FASTKD2: variants seen among roughly 807,000 people sequenced by gnomAD.
FASTKD2 encodes FAST kinase domain-containing protein 2, mitochondrial.
In FASTKD2, 51 loss-of-function variants were observed where a neutral mutation model predicts 63.6. That is an observed-to-expected ratio of 0.80 (90% CI 0.64 to 1.01). The LOEUF (loss-of-function observed/expected upper bound fraction) is 1.01. Among genes scored for constraint, FASTKD2 ranks in the 50% least tolerant of loss-of-function variants. The pLI, the probability that FASTKD2 is intolerant of heterozygous loss-of-function variation, is 0.00. For missense variants in FASTKD2, 786 were observed against 831.1 expected, an observed-to-expected ratio of 0.95 and a Z score of 0.67; for synonymous variants, 284 against 293.4, an observed-to-expected ratio of 0.97 and a Z score of 0.33.
rs1293449482 is a variant in FASTKD2, at chr2:206,792,832, C to A, written c.*1030C>A. Reference sequence around the variant, plus strand: ...TATTATGATTCTCTCTGTGTCTTCACTTCCTCATCTCTAAAATCAGGATAG... The same window carrying A: ...TATTATGATTCTCTCTGTGTCTTCAATTCCTCATCTCTAAAATCAGGATAG... On this transcript the variant is annotated 3_prime_UTR_variant, in exon 12 of 12. Transcript: ENST00000402774. 6.6e-6 allele frequency among the ~76,000 whole-genome samples: 1 copy of A among 152,206 alleles called. No homozygotes were observed. The highest frequency in any genetic ancestry group is 2.4e-5 in the African/African-American group (1 of 41,436).
intron 5 of FASTKD2, 41 bp from the exon 6 acceptor site, chr2:206,772,140 A>G (rs1343644366): frequency 1.3e-6 from 2 of 1,599,936 alleles, no homozygotes; most frequent in African/African-American, 1.3e-5. Context: ...ATTCAAAACA[A>G]TCAGGTAATT....
intron 7 of FASTKD2, among the ~76,000 whole-genome samples, chr2:206,782,741 G>C (rs547146091): frequency 5.9e-5 from 9 of 152,262 alleles, no homozygotes; most frequent in African/African-American, 2.2e-4. Flanking sequence ...CTTGACTTTT[G>C]GCAAATTACT....
At chr2:206,769,410 A>G (rs1689607730) in intron 2 of FASTKD2, among the ~76,000 whole-genome samples, 1 of 152,200 alleles carries the variant, frequency 6.6e-6, no homozygotes, top group South Asian at 2.1e-4. Flanking sequence ...AGGTTTATAG[A>G]CTAGTGATTA....
chr2:206,787,258 C>T lies in FASTKD2; in HGVS notation c.1594+359C>T, dbSNP rs1690161778. ...CTTACTTATCACATTTGAAGCCAAC[C>T]TAAGTCAATTTTTGCAGCTGTAAAC... On this transcript the variant is annotated intron_variant, in intron 8 of 11. Coordinates refer to ENST00000402774, the MANE Select transcript of FASTKD2 (RefSeq NM_001136193.2). Among the ~76,000 whole-genome samples, 3 of 152,236 alleles carry T rather than the reference C, an allele frequency of 2.0e-5. No homozygotes were observed. The South Asian group carries it at 6.2e-4, about 32-fold the overall frequency.
intron 7 of FASTKD2, among the ~76,000 whole-genome samples, chr2:206,782,818 T>C (rs931425597): frequency 1.3e-5 from 2 of 152,190 alleles, no homozygotes; most frequent in African/African-American, 4.8e-5. Flanking sequence ...ATTGGGTTGT[T>C]ATTAGAATTA....
At chr2:206,773,337 AG>A (rs57530910) in intron 6 of FASTKD2, among the ~76,000 whole-genome samples, 2 of 149,102 alleles carry the variant, frequency 1.3e-5, no homozygotes, top group East Asian at 3.9e-4. Context: ...AAAAAAAAAA[AG>A]GGTTGTATGG....
rs568352451 is a variant in FASTKD2, at chr2:206,791,908, G to C, written c.*106G>C. On this transcript the variant is annotated 3_prime_UTR_variant, in exon 12 of 12. Coordinates refer to ENST00000402774, the MANE Select transcript of FASTKD2 (RefSeq NM_001136193.2). The stretch of plus-strand genomic sequence containing the variant: ...TGAGCTATCTGCTAAGACAAAAAAT[G>C]TTACCTCAGTTCACTATTAAAATTA... The C allele has an allele frequency of 2.4e-4, 235 of 975,706 alleles. No homozygotes were observed. In the African/African-American group the frequency reaches 3.1e-3, roughly 13 times the overall value. 60.4% of individuals were successfully genotyped at this position (975,706 alleles called of 1,614,324 possible). A position where few individuals can be genotyped will look rare whatever the true frequency, so the allele number is the denominator to read the frequency against.
rs565954349 is a variant in FASTKD2 at position 206,787,918 on chromosome 2, T to G, written c.1595-19T>G. 4.2e-6 allele frequency: 6 copies of G among 1,412,086 alleles called. No homozygotes were observed. In the East Asian group the frequency reaches 1.4e-4, roughly 32 times the overall value. 87.5% of individuals were successfully genotyped at this position (1,412,086 alleles called of 1,614,324 possible). On this transcript the variant is annotated intron_variant, in intron 8 of 11. Coordinates refer to ENST00000402774, the MANE Select transcript of FASTKD2 (RefSeq NM_001136193.2). ...CATTTATTTCTTCTTAATGATATAC[T>G]CTCTTTTTCATCTTTTAGATGACAT...
At chr2:206,791,277 T>C (rs1444430534) in intron 11 of FASTKD2, 1 of 214,486 alleles carries the variant, frequency 4.7e-6, no homozygotes, top group Admixed American at 5.3e-5. Context: ...CTGCGCATAA[T>C]GTAAGATGTA....
At chr2:206,786,944 G>GC in intron 8 of FASTKD2, 45 bp downstream of exon 8, 1 of 794,694 alleles carries the variant, frequency 1.3e-6, no homozygotes, top group Non-Finnish European at 2.0e-6. Context: ...GACCAATTCT[G>GC]CACTACCACT....
chr2:206,781,064 C>A (rs1435872120), intron 7 of FASTKD2, among the ~76,000 whole-genome samples: 1 of 151,842 alleles, frequency 6.6e-6, no homozygotes, highest in Non-Finnish European at 1.5e-5. Flanking sequence ...ATTTTTAGTT[C>A]TTTGTTGGGC....
In FASTKD2 at chr2:206,793,851, A is replaced by G. The variant is rs1690365126; in HGVS notation, c.*2049A>G. On this transcript the variant is annotated 3_prime_UTR_variant, in exon 12 of 12. Transcript: ENST00000402774. ...GATGAACATGAAAAAAGTTCAGTCT[A>G]CTTGTAAAGACATGCACATTGAAAC... is the stretch of plus-strand genomic sequence containing the variant. Among the ~76,000 whole-genome samples, 1 of 152,206 alleles carries G rather than the reference A, an allele frequency of 6.6e-6. No individual in the cohort carries two copies. Among genetic ancestry groups the G allele is most frequent in the African/African-American group, 2.4e-5 (1 of 41,452 alleles).
chr2:206,790,446 A>T, intron 10 of FASTKD2, 126 bp from the exon 11 acceptor site: 1 of 717,104 alleles, frequency 1.4e-6, no homozygotes, highest in Non-Finnish European at 2.6e-6. Flanking sequence ...TGAAGGACTA[A>T]GACAGGAATA....
intron 11 of FASTKD2, 43 bp from the exon 12 acceptor site, chr2:206,791,640 G>A (rs1195840849): frequency 6.3e-7 from 1 of 1,597,008 alleles, no homozygotes; most frequent in Admixed American, 1.7e-5. Flanking sequence ...TCTTTTGTTA[G>A]TATCGTCTCA....
chr2:206,784,750 A>G (rs939593656), intron 7 of FASTKD2, among the ~76,000 whole-genome samples: 6 of 152,156 alleles, frequency 3.9e-5, no homozygotes, highest in Admixed American at 3.3e-4. Context: ...TCGTTTTCCA[A>G]TGACAAGCTC....
chr2:206,772,715 C>T (rs1371365011), intron 6 of FASTKD2, among the ~76,000 whole-genome samples: 1 of 151,718 alleles, frequency 6.6e-6, no homozygotes, highest in Non-Finnish European at 1.5e-5. Context: ...GTAAACAATG[C>T]ATATTGTATT....
intron 8 of FASTKD2, 27 bp downstream of exon 8, chr2:206,786,926 C>CAATTGGTCA (rs761105805): frequency 5.2e-5 from 68 of 1,307,096 alleles, no homozygotes; most frequent in Non-Finnish European, 7.1e-5. Flanking sequence ...GAATTGGTCA[C>CAATTGGTCA]CAATTGTGAC....
chr2:206,787,123 A>G (rs750118639), intron 8 of FASTKD2, among the ~76,000 whole-genome samples: 1 of 152,210 alleles, frequency 6.6e-6, no homozygotes, highest in Non-Finnish European at 1.5e-5. Flanking sequence ...TGTAGAAAAA[A>G]ATAAGGAATG....
At chr2:206,766,167 G>A (rs1164070196) in intron 1 of FASTKD2, among the ~76,000 whole-genome samples, 1 of 148,184 alleles carries the variant, frequency 6.7e-6, no homozygotes, top group Non-Finnish European at 1.5e-5. Flanking sequence ...GGCTGAGACA[G>A]GAGAATTGCT....
Sources: allele counts gnomAD v4.1 joint callset (sites outside exome capture counted in the v4.1 genomes callset), GRCh38; gene constraint gnomAD v4.1.1; transcripts MANE v1.5; gene names NCBI Gene and HGNC (gene_info 2026-07-23, HGNC 2026-07-21).